Variants in FBXW7 observed in about 807,000 individuals in gnomAD.
The protein encoded by FBXW7 is F-box and WD repeat domain containing 7.
Under a neutral mutation model 86.3 loss-of-function variants are expected in FBXW7, and 11 were observed. The ratio of observed to expected loss-of-function variants is 0.13; its 90% CI spans 0.08 to 0.21. The LOEUF (loss-of-function observed/expected upper bound fraction) is 0.21. FBXW7 is among the 10% of genes least tolerant of loss of function. The probability of loss-of-function intolerance (pLI) is 1.00; values close to 1 mark genes in which losing one functional copy is unlikely to be tolerated. For missense variants in FBXW7, 488 were observed against 847.4 expected (o/e 0.58, Z 5.27); for synonymous variants, 313 against 297.9 (o/e 1.05, Z -0.52).
At chr4:152,365,313 ATAG>A (rs1188774706) in intron 4 of FBXW7, among the ~76,000 whole-genome samples, 1 of 152,164 alleles carries the variant, frequency 6.6e-6, no homozygotes, top group Admixed American at 6.6e-5. Context: ...CTAATGCTGC[ATAG>A]TAGTTAAGAA....
chr4:152,401,488 A>C lies in FBXW7; in HGVS notation c.501+9815T>G, dbSNP rs1736922145. On this transcript the variant is annotated intron_variant, in intron 4 of 13. Transcript: ENST00000281708. ...AACTATATGACATTCTGGAAAAAGC[A>C]AAACTATGGAGACGGTGAAAGGATC... Among the ~76,000 whole-genome samples the C allele has an allele frequency of 4.6e-5, 7 of 152,262 alleles. No individual in the cohort carries two copies. In the South Asian group the frequency reaches 1.4e-3, roughly 31 times the overall value.
intron 2 of FBXW7, among the ~76,000 whole-genome samples, chr4:152,507,383 A>G (rs1457555037): frequency 6.6e-6 from 1 of 152,256 alleles, no homozygotes. Context: ...TCAAATACCG[A>G]ACAAAATTAA....
In FBXW7 at chr4:152,322,805, CTTTTT is replaced by C; in HGVS notation, c.*71_*75del. On this transcript the variant is annotated 3_prime_UTR_variant, in exon 14 of 14. Transcript: ENST00000281708. ...CAAGGGATTTTTTTCTTTTTCTTTT[CTTTTT>C]TTCTTTTTGCAGGGGGAAGGGCAGG... 6.4e-7 allele frequency: 1 copy of C among 1,560,488 alleles called. No individual in the cohort carries two copies. The highest frequency in any genetic ancestry group is 8.6e-7 in the Non-Finnish European group (1 of 1,157,830).
At chr4:152,450,835 G>A (rs1741839651) in intron 2 of FBXW7, among the ~76,000 whole-genome samples, 1 of 152,134 alleles carries the variant, frequency 6.6e-6, no homozygotes, top group Non-Finnish European at 1.5e-5. Context: ...CATCACTATT[G>A]TTTCTAAAGA....
intron 6 of FBXW7, among the ~76,000 whole-genome samples, chr4:152,346,581 T>A (rs753499785): frequency 4.8e-4 from 73 of 152,174 alleles, no homozygotes; most frequent in Admixed American, 2.1e-3. Flanking sequence ...TGCTTCCCAG[T>A]ATATTCACCT....
At chr4:152,372,405 A>G (rs1399367552) in intron 4 of FBXW7, among the ~76,000 whole-genome samples, 1 of 152,024 alleles carries the variant, frequency 6.6e-6, no homozygotes, top group Non-Finnish European at 1.5e-5. Flanking sequence ...AATTGTAGAA[A>G]GGTAACAGAG....
chr4:152,508,605 C>T (rs1007986378), intron 2 of FBXW7, among the ~76,000 whole-genome samples: 3 of 150,778 alleles, frequency 2.0e-5, no homozygotes, highest in Admixed American at 2.0e-4. Context: ...AGGAGGATCA[C>T]CTGAGCCCAG....
At chr4:152,530,866 T>A (rs1209415502) in intron 2 of FBXW7, 1 of 152,236 alleles carries the variant, frequency 6.6e-6, no homozygotes, top group Non-Finnish European at 1.5e-5. Context: ...AGAACAGAAT[T>A]GAAAGTTGTG....
chr4:152,488,627 T>C (rs1745562632), intron 2 of FBXW7, among the ~76,000 whole-genome samples: 3 of 152,072 alleles, frequency 2.0e-5, no homozygotes, highest in Non-Finnish European at 4.4e-5. Flanking sequence ...ATTCAAAAAT[T>C]CAATCTTCCA....
chr4:152,505,327 C>A (rs1047244374), intron 2 of FBXW7, among the ~76,000 whole-genome samples: 1 of 152,112 alleles, frequency 6.6e-6, no homozygotes, highest in African/African-American at 2.4e-5. Flanking sequence ...TGCACTTAGG[C>A]TGTACTAAGT....
At chr4:152,449,363 G>C (rs1741703994) in intron 2 of FBXW7, among the ~76,000 whole-genome samples, 1 of 152,164 alleles carries the variant, frequency 6.6e-6, no homozygotes, top group African/African-American at 2.4e-5. Flanking sequence ...GAGGACTGAT[G>C]GAAGAGGGTA....
rs199903012 is a variant in FBXW7, at chr4:152,496,360, TA to T, written c.-120+38580del. On this transcript the variant is annotated intron_variant, in intron 2 of 13. Coordinates refer to ENST00000281708, the MANE Select transcript of FBXW7 (RefSeq NM_001349798.2). Reference sequence around the variant, plus strand: ...GATGGTAACAAAAATCATAAAAACCTAAAAAAAAAAAATCTAATGAAGACTT... The same window carrying T: ...GATGGTAACAAAAATCATAAAAACCTAAAAAAAAAAATCTAATGAAGACTT... Among the ~76,000 whole-genome samples, 85 of 144,834 alleles carry T rather than the reference TA, an allele frequency of 5.9e-4. 1 individual carries two copies. Among genetic ancestry groups the T allele is most frequent in the Middle Eastern group, 3.6e-3 (1 of 278 alleles).
chr4:152,512,596 G>C (rs2149716335), intron 2 of FBXW7, among the ~76,000 whole-genome samples: 1 of 152,238 alleles, frequency 6.6e-6, no homozygotes. Context: ...CAACACAGAA[G>C]AACACTGAAA....
At chr4:152,444,429 C>T (rs1416333895) in intron 2 of FBXW7, among the ~76,000 whole-genome samples, 3 of 152,060 alleles carry the variant, frequency 2.0e-5, no homozygotes, top group East Asian at 1.9e-4. Context: ...AGTCTTCCTG[C>T]GAATCTGAGT....
intron 2 of FBXW7, among the ~76,000 whole-genome samples, chr4:152,444,139 G>A (rs1741152128): frequency 6.6e-6 from 1 of 152,054 alleles, no homozygotes; most frequent in Admixed American, 6.6e-5. Context: ...TACTACTCTT[G>A]ACCTACAAAA....
intron 4 of FBXW7, among the ~76,000 whole-genome samples, chr4:152,404,150 T>A (rs1737200786): frequency 1.3e-5 from 2 of 152,176 alleles, no homozygotes; most frequent in Non-Finnish European, 2.9e-5. Flanking sequence ...AGGTTTCCAC[T>A]ATATTCAGCT....
intron 2 of FBXW7, among the ~76,000 whole-genome samples, chr4:152,515,166 G>A (rs1748361487): frequency 1.3e-5 from 2 of 152,062 alleles, no homozygotes; most frequent in South Asian, 4.1e-4. Flanking sequence ...TAAACCTAAT[G>A]CCTAATAAAG....
At chr4:152,534,368 G>A (rs777662956) in intron 2 of FBXW7, among the ~76,000 whole-genome samples, 1 of 152,094 alleles carries the variant, frequency 6.6e-6, no homozygotes, top group Non-Finnish European at 1.5e-5. Flanking sequence ...TCAAGTTCCT[G>A]AGTAACTGAC....
chr4:152,408,124 T>A (rs1313410520), intron 4 of FBXW7, among the ~76,000 whole-genome samples: 1 of 152,160 alleles, frequency 6.6e-6, no homozygotes, highest in Non-Finnish European at 1.5e-5. Context: ...GGTAAGGAAG[T>A]TATGTGAGAA....
Sources: allele counts gnomAD v4.1 joint callset (sites outside exome capture counted in the v4.1 genomes callset), GRCh38; gene constraint gnomAD v4.1.1; transcripts MANE v1.5; gene names NCBI Gene and HGNC (gene_info 2026-07-23, HGNC 2026-07-21).